Variants in ZNF410 observed in about 807,000 individuals in gnomAD.
ZNF410 encodes the protein zinc finger protein 410, also known as another partner for ARF 1.
ZNF410 carries 18 observed loss-of-function variants against 54.8 expected under a neutral mutation model. That is an observed-to-expected ratio of 0.33 (90% confidence interval 0.23 to 0.49). The LOEUF is 0.49. Among genes scored for constraint, ZNF410 ranks in the 20% least tolerant of loss-of-function variants. The probability of loss-of-function intolerance (pLI) is 0.99; values close to 1 mark genes in which losing one functional copy is unlikely to be tolerated. For synonymous variants in ZNF410, 191 were observed against 207.3 expected (o/e 0.92, Z 0.68); for missense variants, 405 against 569.6 (o/e 0.71, Z 2.94).
At position 73,886,864 on chromosome 14, in the gene ZNF410, T is replaced by C. The variant is rs1266829720; in HGVS notation, c.-201T>C. The C allele has an allele frequency of 6.5e-6, 1 of 152,926 alleles. No individual in the cohort carries two copies. The highest frequency in any genetic ancestry group is 1.5e-5 in the Non-Finnish European group (1 of 68,278). The allele number at this position is 152,926 out of a possible 1,614,324, so 9.5% of individuals were successfully genotyped here. ...GGCGGGAGCCGGAAGACGCTGTGTG[T>C]GGACGGAATTCGGGACCGACTGACG... is the stretch of plus-strand genomic sequence containing the variant. On this transcript the variant is annotated 5_prime_UTR_variant, in exon 1 of 12. Transcript: ENST00000555044.
At chr14:73,905,519 T>A (rs2055467805) in intron 7 of ZNF410, 1 of 153,746 alleles carries the variant, frequency 6.5e-6, no homozygotes, top group South Asian at 2.0e-4. Context: ...TAAGATATAA[T>A]CCCTGACTTT....
At chr14:73,914,147 A>C (rs2055627656) in intron 8 of ZNF410, 1 of 151,842 alleles carries the variant, frequency 6.6e-6, no homozygotes. Context: ...CAGTCCTTCC[A>C]CATCAGTCTC....
At chr14:73,891,833 G>A in intron 1 of ZNF410, 194 bp from the exon 2 acceptor site, 1 of 579,924 alleles carries the variant, frequency 1.7e-6, no homozygotes. Flanking sequence ...TTGAAATACT[G>A]CATCAAAGCG....
chr14:73,916,034 G>A (rs1301528200), intron 8 of ZNF410: 1 of 152,108 alleles, frequency 6.6e-6, no homozygotes, highest in Non-Finnish European at 1.5e-5. Flanking sequence ...GGGCCTAGGA[G>A]TTCTGGACCA....
At chr14:73,896,220 A>ACATCTC in intron 3 of ZNF410, 96 bp from the exon 4 acceptor site, 1 of 830,452 alleles carries the variant, frequency 1.2e-6, no homozygotes, top group Non-Finnish European at 2.0e-6. Context: ...TGCTATAAGG[A>ACATCTC]TGTTAGCTTC....
At chr14:73,914,429 C>G (rs538878553) in intron 8 of ZNF410, 11 of 152,598 alleles carry the variant, frequency 7.2e-5, no homozygotes, top group East Asian at 5.8e-4. Context: ...CCGCCTTGGC[C>G]TCCCAAAGTG....
chr14:73,888,184 G>A (rs1340408633), intron 1 of ZNF410: 1 of 152,128 alleles, frequency 6.6e-6, no homozygotes, highest in Non-Finnish European at 1.5e-5. Context: ...AGCTGAGTGG[G>A]AGGAAGATTG....
chr14:73,909,556 A>C, intron 8 of ZNF410, 126 bp downstream of exon 8: 10 of 689,276 alleles, frequency 1.5e-5, no homozygotes, highest in Non-Finnish European at 2.4e-5. Flanking sequence ...AAAGCTTCTC[A>C]TCATCATGAC....
chr14:73,903,173 G>A (rs1303613522), intron 5 of ZNF410, among the ~76,000 whole-genome samples: 1 of 152,184 alleles, frequency 6.6e-6, no homozygotes, highest in African/African-American at 2.4e-5. Flanking sequence ...CTGTTGCCCA[G>A]ACTGGAGTGC....
intron 7 of ZNF410, among the ~76,000 whole-genome samples, chr14:73,905,926 CACATACATACAT>C (rs747313074): frequency 6.9e-6 from 1 of 144,048 alleles, no homozygotes; most frequent in South Asian, 2.2e-4. Context: ...CATATATATA[CACATACATACAT>C]ATATATACAC....
intron 2 of ZNF410, 147 bp from the exon 3 acceptor site, chr14:73,893,645 GATAAA>G: frequency 1.1e-6 from 1 of 877,668 alleles, no homozygotes; most frequent in Non-Finnish European, 1.6e-6. Context: ...CAGAGAACTT[GATAAA>G]ATAACTTTAG....
At chr14:73,918,310 C>T (rs984456670) in intron 8 of ZNF410, among the ~76,000 whole-genome samples, 1 of 152,082 alleles carries the variant, frequency 6.6e-6, no homozygotes, top group Non-Finnish European at 1.5e-5. Flanking sequence ...ACCATGTTGG[C>T]CAGGTCTTGG....
chr14:73,899,642 C>G (rs932418321), intron 5 of ZNF410, among the ~76,000 whole-genome samples: 2 of 152,146 alleles, frequency 1.3e-5, no homozygotes, highest in Non-Finnish European at 2.9e-5. Context: ...AATTTAGAAT[C>G]TGGGAGCCCT....
intron 1 of ZNF410, chr14:73,888,255 G>A (rs2055174471): frequency 6.6e-6 from 1 of 152,168 alleles, no homozygotes; most frequent in Non-Finnish European, 1.5e-5. Context: ...TAATAATCTG[G>A]ATTTTGGACA....
chr14:73,894,983 C>A (rs1051281254), intron 3 of ZNF410, among the ~76,000 whole-genome samples: 1 of 151,722 alleles, frequency 6.6e-6, no homozygotes, highest in African/African-American at 2.4e-5. Context: ...GGCAACATGG[C>A]GAGACCTCGT....
At position 73,893,874 on chromosome 14, in the gene ZNF410, T is replaced by G; in HGVS notation, c.111T>G (p.Thr37=). Residue 37 remains threonine (T), a synonymous_variant, in exon 3 of 12, where the codon ACT becomes ACG. Coordinates refer to ENST00000555044, the MANE Select transcript of ZNF410 (RefSeq NM_021188.3). ...GLVESEAKDI[T]CLSLLPVTEA... ...TAGAATCAGAAGCTAAAGATATTACTTGCTTGTCCCTCCTTCCCGTGACTG... is the reference window on the plus strand; with the variant it reads ...TAGAATCAGAAGCTAAAGATATTACGTGCTTGTCCCTCCTTCCCGTGACTG... 6.2e-7 allele frequency: 1 copy of G among 1,614,154 alleles called. No individual in the cohort carries two copies. Among genetic ancestry groups the G allele is most frequent in the South Asian group, 1.1e-5 (1 of 91,064 alleles).
chr14:73,888,243 GATA>G (rs1169441364), intron 1 of ZNF410: 1 of 152,174 alleles, frequency 6.6e-6, no homozygotes, highest in Admixed American at 6.5e-5. Context: ...TGGTAAGGAA[GATA>G]ATAATCTGGA....
chr14:73,887,281 C>A (rs1020152668), intron 1 of ZNF410: 7 of 152,340 alleles, frequency 4.6e-5, no homozygotes, highest in Non-Finnish European at 7.3e-5. Context: ...ATTTCTGAGG[C>A]CTTTGTGGTG....
intron 3 of ZNF410, chr14:73,894,301 G>GCTA (rs2055276981): frequency 1.4e-6 from 1 of 699,442 alleles, no homozygotes; most frequent in South Asian, 1.5e-5. Context: ...TGTATCAAAT[G>GCTA]CTACTGACAG....
Sources: gnomAD v4.1 joint callset for allele counts (sites outside exome capture counted in the v4.1 genomes callset) on GRCh38, gnomAD v4.1.1 for gene constraint, MANE v1.5 for transcripts, NCBI Gene and HGNC (gene_info 2026-07-23, HGNC 2026-07-21) for gene names.